PUS7: variants seen among roughly 807,000 people sequenced by gnomAD.
The protein encoded by PUS7 is pseudouridylate synthase 7 homolog.
A neutral mutation model predicts 79.8 loss-of-function variants in PUS7; 48 were observed. That is an observed-to-expected ratio of 0.60 (90% CI 0.48 to 0.76). The LOEUF (loss-of-function observed/expected upper bound fraction) is 0.76. PUS7 is among the 30% of genes least tolerant of loss of function. The pLI is 0.00. For synonymous variants in PUS7, 286 were observed against 272.2 expected (o/e 1.05, Z -0.50); for missense variants, 729 against 797.6 (o/e 0.91, Z 1.04).
At chr7:105,514,852 C>T (rs1003730307) in intron 1 of PUS7, among the ~76,000 whole-genome samples, 5 of 150,494 alleles carry the variant, frequency 3.3e-5, no homozygotes, top group African/African-American at 7.3e-5. Flanking sequence ...AGAGCAGTGG[C>T]GCAATCTCGG....
intron 13 of PUS7, among the ~76,000 whole-genome samples, chr7:105,464,496 A>G (rs1228950643): frequency 6.6e-6 from 1 of 152,204 alleles, no homozygotes; most frequent in Non-Finnish European, 1.5e-5. Flanking sequence ...CCTGGATGGA[A>G]CATAAAGGCA....
In PUS7 at chr7:105,508,414, C is replaced by G. The variant is rs756289932; in HGVS notation, c.99G>C (p.Gln33His). 3.5e-5 allele frequency: 56 copies of G among 1,614,040 alleles called. No individual in the cohort carries two copies. The highest frequency in any genetic ancestry group is 5.0e-5 in the Admixed American group (3 of 59,986). The change falls in exon 2 of 16, where the codon CAG (glutamine) becomes CAC (histidine). Residue 33 changes from glutamine to histidine, a missense_variant. Physicochemically the swap from Gln to His is conservative, Grantham distance 24. Transcript: ENST00000469408. ...SGVPVEETKKQKLSECSLTKG... is the reference protein window; with the variant it reads ...SGVPVEETKKHKLSECSLTKG... ...TGGTTAGACTGCATTCCGACAGCTT[C>G]TGTTTTTTTGTCTCTTCAACTGGGA...
At chr7:105,467,392 C>G (rs1336027637) in intron 12 of PUS7, among the ~76,000 whole-genome samples, 1 of 151,716 alleles carries the variant, frequency 6.6e-6, no homozygotes, top group Non-Finnish European at 1.5e-5. Context: ...CGGGTTCACG[C>G]CATTCTCCTG....
rs770790526 is a variant in PUS7, at chr7:105,490,705, C to T, written c.920+835G>A. On this transcript the variant is annotated intron_variant, in intron 7 of 15. Transcript: ENST00000469408. ...GCCAGGTACCAAATATGCTTTCCAA[C>T]GTCTTTTCTTAACCTGCTTTTTTGG... is the stretch of plus-strand genomic sequence containing the variant. Among the ~76,000 whole-genome samples the T allele has an allele frequency of 3.9e-5, 6 of 152,174 alleles. No individual in the cohort carries two copies. The East Asian group carries it at 5.8e-4, about 15-fold the overall frequency.
At chr7:105,502,308 T>G in intron 5 of PUS7, 112 bp downstream of exon 5, 16 of 1,310,054 alleles carry the variant, frequency 1.2e-5, no homozygotes, top group Non-Finnish European at 1.7e-5. Context: ...ATCAATATTG[T>G]TCTCTGAGCA....
In PUS7 at chr7:105,462,658, AG is replaced by A. The variant is rs1823479143; in HGVS notation, c.1719del (p.Tyr574ThrfsTer33). 6.2e-7 allele frequency: 1 copy of A among 1,613,794 alleles called. No individual in the cohort carries two copies. The highest frequency in any genetic ancestry group is 1.1e-5 in the South Asian group (1 of 91,064). ...TGAGGACGAATAATGATCTTTCGGT[AG>A]GCCCCTGACAAGGAATAATCTCGAA... ...HKIRDYSLSG[A>X]YRKIIIRPQN... On this transcript the variant is annotated frameshift_variant, in exon 14 of 16. Coordinates refer to ENST00000469408, the MANE Select transcript of PUS7 (RefSeq NM_019042.5). LOFTEE classifies it high-confidence loss of function.
chr7:105,483,897 T>G (rs1240671330), intron 7 of PUS7, among the ~76,000 whole-genome samples: 4 of 152,230 alleles, frequency 2.6e-5, no homozygotes, highest in African/African-American at 9.6e-5. Context: ...GCCTTGTTTT[T>G]CATGATATCT....
chr7:105,495,079 T>G lies in PUS7; in HGVS notation c.842+63A>C. On this transcript the variant is annotated intron_variant, in intron 6 of 15. Coordinates refer to ENST00000469408, the MANE Select transcript of PUS7 (RefSeq NM_019042.5). ...CCTCCTGCTCCTTTTTCCATTAGCATGGAAAAAGGAATATACGTTTCTGTT... is the reference window on the plus strand; with the variant it reads ...CCTCCTGCTCCTTTTTCCATTAGCAGGGAAAAAGGAATATACGTTTCTGTT... 3.3e-6 allele frequency: 3 copies of G among 916,930 alleles called. No individual in the cohort carries two copies. In the South Asian group the frequency reaches 4.8e-5, roughly 15 times the overall value. 56.8% of individuals were successfully genotyped at this position (916,930 alleles called of 1,614,324 possible).
At chr7:105,496,760 A>C (rs1384701149) in intron 5 of PUS7, among the ~76,000 whole-genome samples, 1 of 103,988 alleles carries the variant, frequency 9.6e-6, no homozygotes. Flanking sequence ...TCTTGGACAG[A>C]AAAGTATTAC....
intron 7 of PUS7, among the ~76,000 whole-genome samples, chr7:105,486,964 G>A (rs1824576383): frequency 1.3e-5 from 2 of 152,014 alleles, no homozygotes. Context: ...GGAGGCTAAG[G>A]CAGGAGGATT....
intron 9 of PUS7, among the ~76,000 whole-genome samples, chr7:105,475,310 C>T (rs1824048033): frequency 6.6e-6 from 1 of 152,110 alleles, no homozygotes; most frequent in South Asian, 2.1e-4. Context: ...CTCAGCCTCC[C>T]AAGTAGCTGG....
At chr7:105,518,619 C>T (rs1338206244) in intron 1 of PUS7, among the ~76,000 whole-genome samples, 2 of 152,108 alleles carry the variant, frequency 1.3e-5, no homozygotes, top group Non-Finnish European at 1.5e-5. Flanking sequence ...CCACTAGTCT[C>T]AAACTCCTGA....
At chr7:105,516,917 A>G (rs1825918084) in intron 1 of PUS7, among the ~76,000 whole-genome samples, 1 of 152,106 alleles carries the variant, frequency 6.6e-6, no homozygotes, top group Admixed American at 6.6e-5. Flanking sequence ...AAGCCCAAGC[A>G]TTCTATCTTG....
At chr7:105,474,525 T>C (rs536033754) in intron 9 of PUS7, among the ~76,000 whole-genome samples, 100 of 151,828 alleles carry the variant, frequency 6.6e-4, no homozygotes, top group African/African-American at 2.3e-3. Context: ...TCTCAGCACT[T>C]TGGGAGGCTG....
rs1016057094 is a variant in PUS7, at chr7:105,457,050, G to T, written c.*740C>A. ...GGAGGCTGAGGTGGGAGAGTCACTG[G>T]AGCCTGGGAGGTCGAGGCTGCAGTG... is the stretch of plus-strand genomic sequence containing the variant. On this transcript the variant is annotated 3_prime_UTR_variant, in exon 16 of 16. Coordinates refer to ENST00000469408, the MANE Select transcript of PUS7 (RefSeq NM_019042.5). 1.3e-5 allele frequency: 2 copies of T among 152,094 alleles called. No individual in the cohort carries two copies. Among genetic ancestry groups the T allele is most frequent in the African/African-American group, 4.8e-5 (2 of 41,382 alleles). 9.4% of individuals were successfully genotyped at this position (152,094 alleles called of 1,614,324 possible).
At chr7:105,491,390 A>G (rs1824773394) in intron 7 of PUS7, 150 bp downstream of exon 7, 1 of 453,280 alleles carries the variant, frequency 2.2e-6, no homozygotes, top group Non-Finnish European at 3.8e-6. Context: ...ATAGATAAGA[A>G]GAAGAAAAAA....
In PUS7 at chr7:105,481,061, T is replaced by A; in HGVS notation, c.1166A>T (p.Gln389Leu). 3 of 1,608,586 alleles carry A rather than the reference T, an allele frequency of 1.9e-6. No individual in the cohort carries two copies. The highest frequency in any genetic ancestry group is 2.2e-5 in the South Asian group (2 of 89,726). Residue 389 changes from glutamine to leucine, a missense_variant, in exon 9 of 16, where the codon CAG becomes CTG. Physicochemically the swap from Gln to Leu is moderately radical, Grantham distance 113. Coordinates refer to ENST00000469408, the MANE Select transcript of PUS7 (RefSeq NM_019042.5). ...GAAATTAAATACCAACCTTCCAACC[T>A]GATACGTAGGGACAGCTGTGGTTCC... is the stretch of plus-strand genomic sequence containing the variant. ...RFGTTAVPTY[Q>L]VGRAILQNSW... is the part of the protein sequence containing the mutation.
At chr7:105,512,958 A>G (rs1825756431) in intron 1 of PUS7, among the ~76,000 whole-genome samples, 1 of 152,228 alleles carries the variant, frequency 6.6e-6, no homozygotes, top group South Asian at 2.1e-4. Context: ...GAAATACTTC[A>G]GGATGACTCA....
intron 8 of PUS7, among the ~76,000 whole-genome samples, chr7:105,482,080 G>T (rs1824345729): frequency 6.6e-6 from 1 of 152,184 alleles, no homozygotes; most frequent in African/African-American, 2.4e-5. Flanking sequence ...TCTTTCCAAA[G>T]GCTGCACTAG....
Sources: gnomAD v4.1 joint callset for allele counts (sites outside exome capture counted in the v4.1 genomes callset) on GRCh38, gnomAD v4.1.1 for gene constraint, MANE v1.5 for transcripts, NCBI Gene and HGNC (gene_info 2026-07-23, HGNC 2026-07-21) for gene names.